The following GPC5 variants were observed in gnomAD, a reference collection of about 807,000 sequenced individuals.
GPC5 encodes glypican-5.
GPC5 carries 47 observed loss-of-function variants against 53.9 expected under a neutral mutation model. The observed-to-expected ratio is 0.87, with a 90% CI of 0.69 to 1.11. The LOEUF is 1.11. Among genes scored for constraint, GPC5 ranks in the 50% most tolerant of loss-of-function variants. The probability of loss-of-function intolerance (pLI) is 0.00; values close to 1 mark genes in which losing one functional copy is unlikely to be tolerated. For synonymous variants in GPC5, 286 were observed against 263.3 expected, an observed-to-expected ratio of 1.09 and a Z score of -0.84; for missense variants, 748 against 713.1, an observed-to-expected ratio of 1.05 and a Z score of -0.56.
At chr13:91,922,846 A>T (rs1451236791) in intron 6 of GPC5, among the ~76,000 whole-genome samples, 1 of 150,344 alleles carries the variant, frequency 6.7e-6, no homozygotes, top group East Asian at 2.0e-4. Context: ...CATATCTCAC[A>T]AACTTGTGTA....
chr13:92,162,455 C>T (rs1593947491), intron 7 of GPC5, among the ~76,000 whole-genome samples: 2 of 152,270 alleles, frequency 1.3e-5, no homozygotes, highest in East Asian at 3.9e-4. Context: ...CTTGTGGGAA[C>T]ACACAGGAAG....
rs191716680 is a variant in GPC5, at chr13:91,776,707, C to A, written c.1280+20287C>A. Among the ~76,000 whole-genome samples, 101 of 152,210 alleles carry A rather than the reference C, an allele frequency of 6.6e-4. 1 individual carries two copies. The highest frequency in any genetic ancestry group is 2.4e-3 in the African/African-American group (98 of 41,536). ...ATAAATTACCTGTGCCTGTGATGAGCAACTGAATGAATGGGCATGAAAATG... is the reference window on the plus strand; with the variant it reads ...ATAAATTACCTGTGCCTGTGATGAGAAACTGAATGAATGGGCATGAAAATG... On this transcript the variant is annotated intron_variant, in intron 5 of 7. Coordinates refer to ENST00000377067, the MANE Select transcript of GPC5 (RefSeq NM_004466.6).
intron 7 of GPC5, among the ~76,000 whole-genome samples, chr13:92,427,636 G>T (rs1319695374): frequency 6.6e-6 from 1 of 152,014 alleles, no homozygotes; most frequent in Admixed American, 6.6e-5. Flanking sequence ...ATTCATTAAA[G>T]AAACTGTTGC....
intron 7 of GPC5, among the ~76,000 whole-genome samples, chr13:92,385,615 A>G (rs1049993000): frequency 6.9e-6 from 1 of 144,214 alleles, no homozygotes; most frequent in South Asian, 2.1e-4. Context: ...ACACATATAC[A>G]TATACATACA....
chr13:92,271,472 C>T (rs999836737), intron 7 of GPC5, among the ~76,000 whole-genome samples: 8 of 152,096 alleles, frequency 5.3e-5, no homozygotes, highest in Non-Finnish European at 1.0e-4. Flanking sequence ...TATATATTTC[C>T]AGGTATAAAG....
intron 6 of GPC5, among the ~76,000 whole-genome samples, chr13:91,937,354 A>T (rs1383003448): frequency 6.6e-6 from 1 of 152,110 alleles, no homozygotes; most frequent in Non-Finnish European, 1.5e-5. Context: ...ATTGGACAAT[A>T]TAGGTCTCTT....
At chr13:91,926,067 A>C (rs536432447) in intron 6 of GPC5, among the ~76,000 whole-genome samples, 139 of 152,266 alleles carry the variant, frequency 9.1e-4, no homozygotes, top group African/African-American at 3.2e-3. Flanking sequence ...TGCATTAAAA[A>C]ATCTATGCAA....
intron 2 of GPC5, among the ~76,000 whole-genome samples, chr13:91,556,555 GTATA>G (rs751159320): frequency 3.4e-5 from 5 of 146,624 alleles, no homozygotes; most frequent in Admixed American, 6.9e-5. Flanking sequence ...GTGTGTGTGT[GTATA>G]TATATATATA....
chr13:92,748,062 G>A (rs1311332515), intron 7 of GPC5, among the ~76,000 whole-genome samples: 1 of 151,906 alleles, frequency 6.6e-6, no homozygotes, highest in Non-Finnish European at 1.5e-5. Flanking sequence ...TGCAAAAAAG[G>A]GTTCTTGTTG....
chr13:91,619,486 A>C (rs1184896921), intron 2 of GPC5, among the ~76,000 whole-genome samples: 1 of 152,136 alleles, frequency 6.6e-6, no homozygotes, highest in Non-Finnish European at 1.5e-5. Flanking sequence ...GTCTGACACA[A>C]GTAAGAGGCT....
chr13:92,244,030 A>G (rs112024005), intron 7 of GPC5, among the ~76,000 whole-genome samples: 140 of 152,174 alleles, frequency 9.2e-4, no homozygotes, highest in African/African-American at 3.2e-3. Context: ...TGAGGCATAG[A>G]GATCAGGAAA....
chr13:92,424,715 A>G (rs974018776), intron 7 of GPC5, among the ~76,000 whole-genome samples: 11 of 151,892 alleles, frequency 7.2e-5, no homozygotes, highest in African/African-American at 2.2e-4. Context: ...TTTATTTAGA[A>G]ATGGATATTC....
chr13:92,126,073 G>A (rs748498186), intron 6 of GPC5, among the ~76,000 whole-genome samples: 1 of 150,176 alleles, frequency 6.7e-6, no homozygotes, highest in Admixed American at 6.7e-5. Context: ...TCCTGCCTCA[G>A]CCTCCTGAGT....
At position 92,320,435 on chromosome 13, in the gene GPC5, G is replaced by T. The variant is rs1393679388; in HGVS notation, c.1561+175446G>T. On this transcript the variant is annotated intron_variant, in intron 7 of 7. Coordinates refer to ENST00000377067, the MANE Select transcript of GPC5 (RefSeq NM_004466.6). ...TAATACATAGCATAATGACATGCAG[G>T]TGGTTTTTCTAGCTGTTCAGCTTTT... Among the ~76,000 whole-genome samples, 4 of 152,190 alleles carry T rather than the reference G, an allele frequency of 2.6e-5. No homozygotes were observed. In the South Asian group the frequency reaches 8.3e-4, roughly 32 times the overall value.
rs75669706 is a variant in GPC5, at chr13:92,413,417, G to T, written c.1561+268428G>T. Reference sequence around the variant, plus strand: ...TTGACCAGGCACTATAAATGGGCATGTTCCCTACTTAATGATTTAGACTAC... The same window carrying T: ...TTGACCAGGCACTATAAATGGGCATTTTCCCTACTTAATGATTTAGACTAC... On this transcript the variant is annotated intron_variant, in intron 7 of 7. Coordinates refer to ENST00000377067, the MANE Select transcript of GPC5 (RefSeq NM_004466.6). Among the ~76,000 whole-genome samples, 376 of 152,292 alleles carry T rather than the reference G, an allele frequency of 2.5e-3. 7 individuals are homozygous for T. The East Asian group carries it at 0.061, about 25-fold the overall frequency.
At chr13:91,924,694 T>C (rs1233414860) in intron 6 of GPC5, among the ~76,000 whole-genome samples, 1 of 152,186 alleles carries the variant, frequency 6.6e-6, no homozygotes, top group Non-Finnish European at 1.5e-5. Flanking sequence ...TGAGCCGTGA[T>C]TATGCCACTG....
chr13:92,351,838 C>G (rs762250466), intron 7 of GPC5, among the ~76,000 whole-genome samples: 1 of 151,966 alleles, frequency 6.6e-6, no homozygotes. Context: ...ATTAGAGGAA[C>G]CAATTAAGAC....
chr13:91,861,213 G>A (rs2039024365), intron 5 of GPC5, among the ~76,000 whole-genome samples: 1 of 152,162 alleles, frequency 6.6e-6, no homozygotes, highest in Admixed American at 6.5e-5. Flanking sequence ...TTTTATAAAT[G>A]TCAATAAGAT....
chr13:91,861,764 C>T (rs2039031898), intron 5 of GPC5, among the ~76,000 whole-genome samples: 1 of 95,094 alleles, frequency 1.1e-5, no homozygotes, highest in Non-Finnish European at 2.5e-5. Context: ...TGTTTCTCTT[C>T]TCTTATTTTT....
Sources: allele counts gnomAD v4.1 joint callset (sites outside exome capture counted in the v4.1 genomes callset), GRCh38; gene constraint gnomAD v4.1.1; transcripts MANE v1.5; gene names NCBI Gene and HGNC (gene_info 2026-07-23, HGNC 2026-07-21).